CENPN: variants seen among roughly 807,000 people sequenced by gnomAD.
The protein encoded by CENPN is interphase centromere complex protein 32.
Under a neutral mutation model 48.6 loss-of-function variants are expected in CENPN, and 36 were observed. That is an observed-to-expected ratio of 0.74 (90% CI 0.57 to 0.98). The LOEUF (loss-of-function observed/expected upper bound fraction) is 0.98, where lower values mean the gene tolerates loss of function less well. Among genes scored for constraint, CENPN ranks in the 50% least tolerant of loss-of-function variants. CENPN has a pLI of 0.00. For synonymous variants in CENPN, 166 were observed against 135.2 expected (o/e 1.23, Z -1.58); for missense variants, 439 against 399.2 (o/e 1.10, Z -0.85).
chr16:81,013,088 G>A (rs910985461), intron 2 of CENPN, among the ~76,000 whole-genome samples: 1 of 152,094 alleles, frequency 6.6e-6, no homozygotes, highest in Non-Finnish European at 1.5e-5. Flanking sequence ...AATGTTCACA[G>A]CAACATTATT....
downstream of CENPN, chr16:81,032,554 G>A (rs1597117795): frequency 7.8e-7 from 1 of 1,286,848 alleles, no homozygotes; most frequent in East Asian, 2.6e-5. Context: ...GATTTTCAGT[G>A]TTTTTTTTTT....
At chr16:81,023,337 A>G (rs183966501) in intron 7 of CENPN, 25 of 158,176 alleles carry the variant, frequency 1.6e-4, no homozygotes, top group Non-Finnish European at 2.8e-4. Context: ...TGTTCTAAGC[A>G]GAAAGAAGTG....
downstream of CENPN, chr16:81,032,787 C>A: frequency 7.5e-7 from 1 of 1,326,804 alleles, no homozygotes; most frequent in Non-Finnish European, 1.0e-6. Flanking sequence ...TAATGCAGGC[C>A]TCCTTGTTAA....
Position 81,030,413 on chromosome 16 carries a change from C to T in CENPN, c.*1762C>T, listed in dbSNP as rs924650999. On this transcript the variant is annotated 3_prime_UTR_variant, in exon 11 of 11. Coordinates refer to ENST00000305850, the MANE Select transcript of CENPN (RefSeq NM_001100624.3). ...ACCAGATATGTGGGGGAGGGGGTTTCCCCCACACATTAAGCAAGTGTGAAA... is the reference window on the plus strand; with the variant it reads ...ACCAGATATGTGGGGGAGGGGGTTTTCCCCACACATTAAGCAAGTGTGAAA... 21 of 984,474 alleles carry T rather than the reference C, an allele frequency of 2.1e-5. No individual in the cohort carries two copies. Among genetic ancestry groups the T allele is most frequent in the African/African-American group, 3.5e-5 (2 of 57,136 alleles). 61.0% of individuals were successfully genotyped at this position (984,474 alleles called of 1,614,324 possible). A position where few individuals can be genotyped will look rare whatever the true frequency, so the allele number is the denominator to read the frequency against.
intron 2 of CENPN, among the ~76,000 whole-genome samples, chr16:81,013,778 T>C (rs1969835686): frequency 6.6e-6 from 1 of 152,148 alleles, no homozygotes; most frequent in South Asian, 2.1e-4. Context: ...ATATTGTCAC[T>C]GTCTTGATTG....
Position 81,017,522 on chromosome 16 carries a change from A to AG in CENPN, c.277+137_277+138insG, listed in dbSNP as rs1196908512. 4 of 702,148 alleles carry AG rather than the reference A, an allele frequency of 5.7e-6. No individual in the cohort carries two copies. The East Asian group carries it at 7.6e-5, about 13-fold the overall frequency. The allele number at this position is 702,148 out of a possible 1,614,324, so 43.5% of individuals were successfully genotyped here. On this transcript the variant is annotated intron_variant, in intron 4 of 10. Coordinates refer to ENST00000305850, the MANE Select transcript of CENPN (RefSeq NM_001100624.3). ...AAGACTCTATATCCAAAAAAAAAAAATAGCAGTATGTTCCTCATTTCTTTC... is the reference window on the plus strand; with the variant it reads ...AAGACTCTATATCCAAAAAAAAAAAAGTAGCAGTATGTTCCTCATTTCTTTC...
intron 7 of CENPN, 52 bp from the exon 8 acceptor site, chr16:81,024,663 T>C (rs1202775881): frequency 3.4e-6 from 4 of 1,189,144 alleles, no homozygotes; most frequent in Non-Finnish European, 4.9e-6. Context: ...AAAATTAATA[T>C]CTGTACTTCA....
chr16:81,028,659 G>A lies in CENPN; in HGVS notation c.*8G>A, dbSNP rs71400134. 8.5e-3 allele frequency: 13,638 copies of A among 1,608,670 alleles called. 193 individuals are homozygous for A. The highest frequency in any genetic ancestry group is 0.056 in the East Asian group (2,517 of 44,790). On this transcript the variant is annotated 3_prime_UTR_variant, in exon 11 of 11. Transcript: ENST00000305850. ...AAAATTAGAGATAAATAAGACGTGCGTGGTTTCTTAAGCACAGCTCCTCCT... is the reference window on the plus strand; with the variant it reads ...AAAATTAGAGATAAATAAGACGTGCATGGTTTCTTAAGCACAGCTCCTCCT...
intron 3 of CENPN, among the ~76,000 whole-genome samples, chr16:81,016,223 T>C (rs1211195189): frequency 1.3e-5 from 2 of 151,842 alleles, no homozygotes; most frequent in African/African-American, 4.8e-5. Context: ...AAACATATAC[T>C]GAAGCCTGGT....
chr16:81,008,338 T>C (rs1452343009), intron 1 of CENPN, among the ~76,000 whole-genome samples: 1 of 152,130 alleles, frequency 6.6e-6, no homozygotes, highest in Non-Finnish European at 1.5e-5. Flanking sequence ...GGAATCTTCA[T>C]TTTAACGGGT....
intron 5 of CENPN, among the ~76,000 whole-genome samples, chr16:81,019,156 T>C (rs1970063051): frequency 6.6e-6 from 1 of 152,208 alleles, no homozygotes; most frequent in Admixed American, 6.5e-5. Context: ...CATTATTACA[T>C]AGAAATCTTC....
intron 5 of CENPN, among the ~76,000 whole-genome samples, chr16:81,019,166 CTTT>C (rs1179474001): frequency 6.6e-6 from 1 of 152,002 alleles, no homozygotes; most frequent in Non-Finnish European, 1.5e-5. Flanking sequence ...TAGAAATCTT[CTTT>C]AAGCCCATTA....
chr16:81,011,926 A>T lies in CENPN; in HGVS notation c.-10-4A>T. The T allele has an allele frequency of 6.2e-7, 1 of 1,609,194 alleles. No individual in the cohort carries two copies. The highest frequency in any genetic ancestry group is 1.1e-5 in the South Asian group (1 of 90,868). ...TTTGTTGTGCTGTTTTTGTTTTGTA[A>T]AAGTGCCAAAGAGATGGATGAGACT... On this transcript the variant is annotated splice_region_variant and splice_polypyrimidine_tract_variant and intron_variant, in intron 1 of 10. Coordinates refer to ENST00000305850, the MANE Select transcript of CENPN (RefSeq NM_001100624.3).
At chr16:81,013,537 A>G (rs919703247) in intron 2 of CENPN, among the ~76,000 whole-genome samples, 5 of 152,230 alleles carry the variant, frequency 3.3e-5, no homozygotes, top group African/African-American at 1.2e-4. Context: ...CCTGGCCAAC[A>G]TGGTGAAACC....
intron 7 of CENPN, chr16:81,022,966 G>A: frequency 1.6e-6 from 2 of 1,270,172 alleles, no homozygotes; most frequent in Non-Finnish European, 2.1e-6. Context: ...GATCACACTA[G>A]AATTTGTTTT....
At chr16:81,009,697 T>C (rs1451302639) in intron 1 of CENPN, among the ~76,000 whole-genome samples, 1 of 152,240 alleles carries the variant, frequency 6.6e-6, no homozygotes, top group Non-Finnish European at 1.5e-5. Flanking sequence ...TGGACAAGGA[T>C]AATTTTTCAG....
chr16:81,032,878 A>G (rs1970827876), downstream of CENPN: 3 of 563,344 alleles, frequency 5.3e-6, no homozygotes, highest in South Asian at 2.4e-5. Flanking sequence ...TTTGTGGGAC[A>G]TAACACTCTA....
chr16:81,009,718 A>C (rs1267771983), intron 1 of CENPN, among the ~76,000 whole-genome samples: 4 of 152,250 alleles, frequency 2.6e-5, no homozygotes, highest in Non-Finnish European at 5.9e-5. Flanking sequence ...TGTTCAACAA[A>C]TAAGTCACAG....
At chr16:81,015,502 T>G (rs1969898202) in intron 3 of CENPN, among the ~76,000 whole-genome samples, 1 of 152,268 alleles carries the variant, frequency 6.6e-6, no homozygotes, top group Non-Finnish European at 1.5e-5. Flanking sequence ...CTAATTGCAA[T>G]CATTATGTAT....
Sources: gnomAD v4.1 joint callset for allele counts (sites outside exome capture counted in the v4.1 genomes callset) on GRCh38, gnomAD v4.1.1 for gene constraint, MANE v1.5 for transcripts, NCBI Gene and HGNC (gene_info 2026-07-23, HGNC 2026-07-21) for gene names.